The following RASAL2 variants were observed in gnomAD, a reference collection of about 807,000 sequenced individuals.
RASAL2 encodes RAS protein activator like 2.
Under a neutral mutation model 128.9 loss-of-function variants are expected in RASAL2, and 58 were observed. The observed-to-expected ratio is 0.45, with a 90% CI of 0.36 to 0.56. The LOEUF is 0.56. Among genes scored for constraint, RASAL2 ranks in the 20% least tolerant of loss-of-function variants. The pLI, the probability that RASAL2 is intolerant of heterozygous loss-of-function variation, is 0.00. For missense variants in RASAL2, 1,360 were observed against 1,601.6 expected (o/e 0.85, Z 2.57); for synonymous variants, 561 against 580.8 (o/e 0.97, Z 0.49).
chr1:178,442,551 AT>A (rs1676725504), intron 7 of RASAL2, 123 bp from the exon 8 acceptor site: 1 of 726,962 alleles, frequency 1.4e-6, no homozygotes, highest in Admixed American at 2.9e-5. Flanking sequence ...TGAGATAGCA[AT>A]CCCTTTCATT....
intron 16 of RASAL2, among the ~76,000 whole-genome samples, chr1:178,466,427 T>C (rs761264911): frequency 6.6e-6 from 1 of 152,178 alleles, no homozygotes; most frequent in Non-Finnish European, 1.5e-5. Context: ...CAAGACTAAA[T>C]TAATCTTTCA....
chr1:178,367,000 A>G (rs774735844), intron 3 of RASAL2, among the ~76,000 whole-genome samples: 59 of 152,340 alleles, frequency 3.9e-4, no homozygotes, highest in Non-Finnish European at 8.2e-4. Context: ...AATAGTAGTA[A>G]TGGCTACAAA....
intron 3 of RASAL2, among the ~76,000 whole-genome samples, chr1:178,359,438 A>G (rs1357660796): frequency 6.6e-6 from 1 of 152,176 alleles, no homozygotes; most frequent in African/African-American, 2.4e-5. Context: ...TGAAAATACA[A>G]ATTTGTTCTT....
chr1:178,350,319 C>G (rs1274919492), intron 3 of RASAL2, among the ~76,000 whole-genome samples: 1 of 152,194 alleles, frequency 6.6e-6, no homozygotes, highest in Non-Finnish European at 1.5e-5. Context: ...CTCCTGGGTT[C>G]AAGCGATCCT....
chr1:178,135,182 C>T (rs1660272115), intron 1 of RASAL2, among the ~76,000 whole-genome samples: 1 of 152,052 alleles, frequency 6.6e-6, no homozygotes, highest in Non-Finnish European at 1.5e-5. Flanking sequence ...GTCTATAAAG[C>T]GTATCCATTT....
intron 3 of RASAL2, among the ~76,000 whole-genome samples, chr1:178,326,618 C>A (rs1166544751): frequency 6.6e-6 from 1 of 152,154 alleles, no homozygotes; most frequent in Non-Finnish European, 1.5e-5. Flanking sequence ...AATCTCGGCT[C>A]ACCACAACCT....
chr1:178,339,261 G>A (rs1669745343), intron 3 of RASAL2, among the ~76,000 whole-genome samples: 3 of 152,286 alleles, frequency 2.0e-5, no homozygotes, highest in South Asian at 2.1e-4. Context: ...TACACAGTTA[G>A]GACCTATTTC....
intron 1 of RASAL2, among the ~76,000 whole-genome samples, chr1:178,268,955 A>T (rs1165984330): frequency 6.6e-6 from 1 of 152,020 alleles, no homozygotes; most frequent in East Asian, 1.9e-4. Flanking sequence ...TAAATACTGT[A>T]TGCTTTTTGT....
chr1:178,443,345 C>A, intron 8 of RASAL2, 116 bp downstream of exon 8: 1 of 964,252 alleles, frequency 1.0e-6, no homozygotes, highest in Non-Finnish European at 1.5e-6. Context: ...TTGGTCAAAA[C>A]AAGAAGAATT....
chr1:178,267,244 ATC>A (rs1666000746), intron 1 of RASAL2, among the ~76,000 whole-genome samples: 3 of 152,150 alleles, frequency 2.0e-5, no homozygotes, highest in Non-Finnish European at 4.4e-5. Context: ...GCATTTACAT[ATC>A]TCTCTTAATT....
intron 1 of RASAL2, among the ~76,000 whole-genome samples, chr1:178,190,383 TACAC>T: frequency 6.6e-6 from 1 of 152,174 alleles, no homozygotes; most frequent in East Asian, 1.9e-4. Flanking sequence ...TGTAAGGCCT[TACAC>T]ACAGAGTGGT....
At position 178,474,739 on chromosome 1, in the gene RASAL2, T is replaced by C. The variant is rs1648551646; in HGVS notation, c.*1500T>C. 6.6e-6 allele frequency: 1 copy of C among 151,896 alleles called. No individual in the cohort carries two copies. Among genetic ancestry groups the C allele is most frequent in the African/African-American group, 2.4e-5 (1 of 41,348 alleles). The allele number at this position is 151,896 out of a possible 1,614,324, so 9.4% of individuals were successfully genotyped here. A position where few individuals can be genotyped will look rare whatever the true frequency, so the allele number is the denominator to read the frequency against. ...ACATATGTACATATAACTGCACAAA[T>C]AGGAAAAGTTCATGCCTTCTATGCT... On this transcript the variant is annotated 3_prime_UTR_variant, in exon 18 of 18. Transcript: ENST00000367649.
intron 8 of RASAL2, 55 bp from the exon 9 acceptor site, chr1:178,445,463 T>A: frequency 6.4e-7 from 1 of 1,558,554 alleles, no homozygotes; most frequent in East Asian, 2.3e-5. Flanking sequence ...AAGTCTCTTC[T>A]AATGTGTATT....
intron 3 of RASAL2, among the ~76,000 whole-genome samples, chr1:178,311,350 C>A (rs544583435): frequency 1.3e-5 from 2 of 151,188 alleles, no homozygotes; most frequent in African/African-American, 4.9e-5. Flanking sequence ...AAAGCCAAAT[C>A]TTAACTTGGC....
chr1:178,282,305 A>G (rs560517862), intron 1 of RASAL2, among the ~76,000 whole-genome samples: 2 of 152,218 alleles, frequency 1.3e-5, no homozygotes, highest in Non-Finnish European at 2.9e-5. Flanking sequence ...AAGTTAAACC[A>G]GAAGAAACAA....
At chr1:178,302,738 G>C (rs894119077) in intron 3 of RASAL2, among the ~76,000 whole-genome samples, 1 of 152,130 alleles carries the variant, frequency 6.6e-6, no homozygotes, top group African/African-American at 2.4e-5. Context: ...CTAGTATTAA[G>C]ATCTGTTTAA....
chr1:178,342,235 T>G (rs1669919029), intron 3 of RASAL2, among the ~76,000 whole-genome samples: 1 of 152,234 alleles, frequency 6.6e-6, no homozygotes, highest in Non-Finnish European at 1.5e-5. Context: ...ACTTGGAGAT[T>G]ATCTATAGTC....
chr1:178,207,396 G>A (rs527677456), intron 1 of RASAL2, among the ~76,000 whole-genome samples: 19 of 151,854 alleles, frequency 1.3e-4, no homozygotes, highest in Admixed American at 2.0e-4. Flanking sequence ...TACAAAATAC[G>A]GTATAAGAAC....
chr1:178,469,380 C>T (rs1354252571), intron 17 of RASAL2, among the ~76,000 whole-genome samples: 6 of 152,146 alleles, frequency 3.9e-5, no homozygotes, highest in Non-Finnish European at 8.8e-5. Context: ...AGGACAGCCT[C>T]ATGATTAGCT....
Sources: gnomAD v4.1 joint callset for allele counts (sites outside exome capture counted in the v4.1 genomes callset) on GRCh38, gnomAD v4.1.1 for gene constraint, MANE v1.5 for transcripts, NCBI Gene and HGNC (gene_info 2026-07-23, HGNC 2026-07-21) for gene names.